PPIP5K1: variants seen among roughly 807,000 people sequenced by gnomAD.
PPIP5K1 encodes inositol hexakisphosphate and diphosphoinositol-pentakisphosphate kinase 1.
A neutral mutation model predicts 27.7 loss-of-function variants in PPIP5K1; 6 were observed. The ratio of observed to expected loss-of-function variants is 0.22; its 90% confidence interval spans 0.12 to 0.43. PPIP5K1 has a LOEUF of 0.43. Ranked by LOEUF, PPIP5K1 falls within the 20% of genes least tolerant of loss-of-function variation. The pLI is 1.00. For synonymous variants in PPIP5K1, 145 were observed against 242.6 expected (o/e 0.60, Z 3.74); for missense variants, 394 against 635.4 (o/e 0.62, Z 4.08).
chr15:43,537,706 A>AAAG lies in PPIP5K1; in HGVS notation c.3670+1763_3670+1764insCTT, dbSNP rs1555419105. 2.6e-3 allele frequency among the ~76,000 whole-genome samples: 328 copies of AAAG among 126,752 alleles called. 1 individual carries two copies. The highest frequency in any genetic ancestry group is 5.9e-3 in the South Asian group (23 of 3,892). 83.2% of individuals were successfully genotyped at this position (126,752 alleles called of 152,430 possible). A position where few individuals can be genotyped will look rare whatever the true frequency, so the allele number is the denominator to read the frequency against. On this transcript the variant is annotated intron_variant, in intron 31 of 31. Transcript: ENST00000420765. ...TCCATCTCAAAAAAAAAAAAAAAAA[A>AAAG]AGAGAGAGAGAGAGAGAGAGAGAGA...
At chr15:43,552,169 G>T (rs1234453117) in intron 30 of PPIP5K1, among the ~76,000 whole-genome samples, 1 of 151,926 alleles carries the variant, frequency 6.6e-6, no homozygotes, top group Non-Finnish European at 1.5e-5. Context: ...TGCCCAGACA[G>T]GTCTTGAACT....
intron 10 of PPIP5K1, among the ~76,000 whole-genome samples, chr15:43,579,383 TAC>T (rs371291746): frequency 0.05 from 4,190 of 84,154 alleles, 309 homozygotes; most frequent in Non-Finnish European, 0.057. Context: ...TTCGATTATA[TAC>T]ACACACACAC....
At position 43,533,577 on chromosome 15, in the gene PPIP5K1, T is replaced by G. The variant is rs1297058094; in HGVS notation, c.*1097A>C. 6.6e-6 allele frequency: 1 copy of G among 152,544 alleles called. No individual in the cohort carries two copies. Among genetic ancestry groups the G allele is most frequent in the South Asian group, 2.1e-4 (1 of 4,834 alleles). 9.4% of individuals were successfully genotyped at this position (152,544 alleles called of 1,614,324 possible). On this transcript the variant is annotated 3_prime_UTR_variant, in exon 32 of 32. Coordinates refer to ENST00000420765, the MANE Select transcript of PPIP5K1 (RefSeq NM_001394395.1). ...CACTCCCATTCCCATCCCTGGATCT[T>G]TGGAAAAAGCTTCATAATCATATCT...
chr15:43,558,950 G>A lies in PPIP5K1; in HGVS notation c.3419-18C>T, dbSNP rs374015387. 1.2e-5 allele frequency: 19 copies of A among 1,612,112 alleles called. No individual in the cohort carries two copies. The highest frequency in any genetic ancestry group is 1.5e-5 in the Non-Finnish European group (18 of 1,179,886). ...TTCAAACCCTGTTTGAAAAGAGATG[G>A]GCAAAGTCAATGTTACTCCTGCCAG... On this transcript the variant is annotated intron_variant, in intron 29 of 31. Transcript: ENST00000420765.
intron 31 of PPIP5K1, among the ~76,000 whole-genome samples, chr15:43,537,670 C>T (rs1417806728): frequency 3.5e-5 from 4 of 112,986 alleles, no homozygotes; most frequent in Non-Finnish European, 6.5e-5. Flanking sequence ...GCCTGGGTGA[C>T]GGAGCAAGAC....
At chr15:43,535,779 A>C (rs1328040084) in intron 31 of PPIP5K1, among the ~76,000 whole-genome samples, 2 of 152,232 alleles carry the variant, frequency 1.3e-5, no homozygotes, top group Non-Finnish European at 2.9e-5. Context: ...CAAGTTCCCA[A>C]GGCCTCTCAT....
chr15:43,549,056 AAT>A (rs762219321), intron 30 of PPIP5K1, among the ~76,000 whole-genome samples: 3,131 of 54,166 alleles, frequency 0.058, 161 homozygotes, highest in Non-Finnish European at 0.063. Flanking sequence ...AAAAAAAAAA[AAT>A]ATATATATAT....
At chr15:43,542,600 C>T (rs2080887039) in intron 30 of PPIP5K1, among the ~76,000 whole-genome samples, 1 of 150,564 alleles carries the variant, frequency 6.6e-6, no homozygotes, top group Non-Finnish European at 1.5e-5. Context: ...GCACCCAGCT[C>T]TTGTTTTCAT....
chr15:43,538,721 C>A (rs1302920571), intron 31 of PPIP5K1, among the ~76,000 whole-genome samples: 1 of 151,912 alleles, frequency 6.6e-6, no homozygotes, highest in African/African-American at 2.4e-5. Flanking sequence ...ACCGTGTTAG[C>A]CAGGATGGTC....
At chr15:43,536,980 A>T (rs1214229618) in intron 31 of PPIP5K1, among the ~76,000 whole-genome samples, 2 of 152,132 alleles carry the variant, frequency 1.3e-5, no homozygotes, top group Non-Finnish European at 2.9e-5. Flanking sequence ...GGTAAACCTG[A>T]GCCTACAAAG....
chr15:43,579,600 T>C (rs2084755055), intron 10 of PPIP5K1, among the ~76,000 whole-genome samples: 1 of 42,792 alleles, frequency 2.3e-5, no homozygotes, highest in Non-Finnish European at 3.6e-5. Flanking sequence ...TATGTGTACG[T>C]GTGTGTGTGT....
chr15:43,585,966 G>GA, intron 1 of PPIP5K1, among the ~76,000 whole-genome samples: 1 of 73,016 alleles, frequency 1.4e-5, no homozygotes, highest in African/African-American at 4.3e-5. Flanking sequence ...CGAGGCGGGT[G>GA]ATCACGAGGT....
intron 28 of PPIP5K1, among the ~76,000 whole-genome samples, chr15:43,561,041 T>TCACTCAGAGGGTCAAA: frequency 8.2e-6 from 1 of 122,078 alleles, no homozygotes; most frequent in South Asian, 3.1e-4. Flanking sequence ...AATGAAAAAG[T>TCACTCAGAGGGTCAAA]GATGGTATTG....
intron 30 of PPIP5K1, among the ~76,000 whole-genome samples, chr15:43,556,041 C>T (rs564081186): frequency 6.6e-5 from 10 of 151,908 alleles, no homozygotes; most frequent in East Asian, 1.9e-4. Flanking sequence ...CATTCTGGGC[C>T]GGGCGCAGTG....
intron 26 of PPIP5K1, among the ~76,000 whole-genome samples, chr15:43,567,114 T>C (rs1336156208): frequency 2.8e-5 from 3 of 105,430 alleles, no homozygotes; most frequent in African/African-American, 2.2e-4. Context: ...TATTGTTGTT[T>C]CGGGTTTTTT....
intron 30 of PPIP5K1, among the ~76,000 whole-genome samples, chr15:43,551,510 T>C: frequency 2.1e-5 from 1 of 46,692 alleles, no homozygotes; most frequent in Non-Finnish European, 3.8e-5. Flanking sequence ...AGAGCAAGAC[T>C]CTGTCTCAAA....
intron 30 of PPIP5K1, among the ~76,000 whole-genome samples, chr15:43,545,230 G>T (rs2081231758): frequency 6.6e-6 from 1 of 151,372 alleles, no homozygotes; most frequent in African/African-American, 2.4e-5. Context: ...CTATAATTCT[G>T]TGAGATACTA....
At chr15:43,558,038 G>T (rs547857216) in intron 30 of PPIP5K1, among the ~76,000 whole-genome samples, 2 of 148,726 alleles carry the variant, frequency 1.3e-5, no homozygotes, top group African/African-American at 5.0e-5. Context: ...ATATTTCTAT[G>T]ATGTTTAGTT....
At position 43,558,901 on chromosome 15, in the gene PPIP5K1, G is replaced by A; in HGVS notation, c.3450C>T (p.Ile1150=). The change falls in exon 30 of 32, where the codon ATC becomes ATT. Residue 1150 remains isoleucine (I), a synonymous_variant. Coordinates refer to ENST00000420765, the MANE Select transcript of PPIP5K1 (RefSeq NM_001394395.1). The part of the protein sequence containing the change: ...GFEGCSMVPT[I]YPLETLHNAL... Reference sequence around the variant, plus strand: ...CATTATGCAGTGTTTCCAGAGGGTAGATGGTAGGCACCATGGAACACCCTT... The same window carrying A: ...CATTATGCAGTGTTTCCAGAGGGTAAATGGTAGGCACCATGGAACACCCTT... 2 of 1,613,966 alleles carry A rather than the reference G, an allele frequency of 1.2e-6. No homozygotes were observed. The highest frequency in any genetic ancestry group is 1.7e-5 in the Admixed American group (1 of 60,030).
Sources: allele counts gnomAD v4.1 joint callset (sites outside exome capture counted in the v4.1 genomes callset), GRCh38; gene constraint gnomAD v4.1.1; transcripts MANE v1.5; gene names NCBI Gene and HGNC (gene_info 2026-07-23, HGNC 2026-07-21).